The following SYNE2 variants were observed in gnomAD, a reference collection of about 807,000 sequenced individuals.
SYNE2 encodes nesprin-2.
Under a neutral mutation model 856.3 loss-of-function variants are expected in SYNE2, and 431 were observed. The observed-to-expected ratio is 0.50, with a 90% CI of 0.47 to 0.55. The LOEUF (loss-of-function observed/expected upper bound fraction) is 0.55. Ranked by LOEUF, SYNE2 falls within the 20% of genes least tolerant of loss-of-function variation. The pLI is 0.00. For synonymous variants in SYNE2, 2,923 were observed against 2,872.3 expected (o/e 1.02, Z -0.56); for missense variants, 8,129 against 8,023.2 (o/e 1.01, Z -0.50).
chr14:64,088,247 T>A (rs2097579158), intron 58 of SYNE2, among the ~76,000 whole-genome samples: 1 of 152,334 alleles, frequency 6.6e-6, no homozygotes, highest in East Asian at 1.9e-4. Context: ...CACATTGATC[T>A]GGTAAAATGT....
chr14:63,953,543 G>GAGAGAGATAGAT (rs772140692), intron 7 of SYNE2, among the ~76,000 whole-genome samples: 17 of 90,502 alleles, frequency 1.9e-4, no homozygotes, highest in African/African-American at 3.7e-4. Context: ...GAGAGAGAGA[G>GAGAGAGATAGAT]AGATAGATAG....
At chr14:63,921,381 C>T (rs2095599203) in intron 2 of SYNE2, among the ~76,000 whole-genome samples, 1 of 151,982 alleles carries the variant, frequency 6.6e-6, no homozygotes, top group African/African-American at 2.4e-5. Context: ...GTGTAAATGG[C>T]AATTTGTTCC....
chr14:64,130,658 G>A (rs972181088), intron 76 of SYNE2, among the ~76,000 whole-genome samples: 2 of 152,174 alleles, frequency 1.3e-5, no homozygotes, highest in Non-Finnish European at 2.9e-5. Context: ...GCTGAGGCGG[G>A]TGGATCACCT....
At chr14:63,950,049 G>T in intron 7 of SYNE2, 43 bp downstream of exon 7, 1 of 1,604,880 alleles carries the variant, frequency 6.2e-7, no homozygotes, top group Non-Finnish European at 8.5e-7. Flanking sequence ...CAGGGCAGCT[G>T]TATCAACCAA....
At chr14:64,030,535 G>T (rs530588611) in intron 44 of SYNE2, among the ~76,000 whole-genome samples, 1 of 152,102 alleles carries the variant, frequency 6.6e-6, no homozygotes, top group Non-Finnish European at 1.5e-5. Context: ...ATTTGTTTAC[G>T]CATTTACTAT....
chr14:63,948,250 A>G (rs2096069059), intron 6 of SYNE2, among the ~76,000 whole-genome samples: 1 of 152,108 alleles, frequency 6.6e-6, no homozygotes, highest in Admixed American at 6.6e-5. Context: ...ACATTTTAGA[A>G]AAAAATTGAC....
chr14:64,183,266 A>G (rs2153742089), intron 96 of SYNE2, among the ~76,000 whole-genome samples: 1 of 141,878 alleles, frequency 7.0e-6, no homozygotes, highest in Admixed American at 7.1e-5. Flanking sequence ...GACTCCCCTC[A>G]CCTCCCAGAC....
chr14:64,213,070 T>G (rs1300771062), intron 105 of SYNE2, 65 bp downstream of exon 105: 1 of 1,561,668 alleles, frequency 6.4e-7, no homozygotes. Context: ...ACCAAATTTT[T>G]AAAGAATTAG....
intron 1 of SYNE2, among the ~76,000 whole-genome samples, chr14:63,889,526 A>G (rs895900718): frequency 6.6e-6 from 1 of 152,094 alleles, no homozygotes; most frequent in Non-Finnish European, 1.5e-5. Flanking sequence ...CCCAGGCTGG[A>G]GTGCAGTGGC....
intron 64 of SYNE2, among the ~76,000 whole-genome samples, chr14:64,105,169 C>G (rs1351658586): frequency 6.6e-6 from 1 of 152,192 alleles, no homozygotes; most frequent in Non-Finnish European, 1.5e-5. Context: ...TGGAGTAGCC[C>G]TCTAATTGGT....
chr14:64,108,070 C>G (rs1000133985), intron 65 of SYNE2, among the ~76,000 whole-genome samples: 1 of 152,108 alleles, frequency 6.6e-6, no homozygotes, highest in African/African-American at 2.4e-5. Flanking sequence ...GTTAGTGGGC[C>G]AGGCATGGTG....
chr14:64,117,618 C>A (rs901389404), intron 66 of SYNE2, among the ~76,000 whole-genome samples: 10 of 152,058 alleles, frequency 6.6e-5, no homozygotes, highest in Non-Finnish European at 1.5e-5. Context: ...TTTATCTATA[C>A]CTCATATACA....
At chr14:64,142,909 G>A (rs2098151318) in intron 82 of SYNE2, among the ~76,000 whole-genome samples, 5 of 152,186 alleles carry the variant, frequency 3.3e-5, no homozygotes, top group Admixed American at 3.3e-4. Flanking sequence ...TCAGCACTAT[G>A]CTGGCCACTG....
At chr14:64,112,449 G>A (rs1029982892) in intron 65 of SYNE2, among the ~76,000 whole-genome samples, 2 of 152,158 alleles carry the variant, frequency 1.3e-5, no homozygotes, top group African/African-American at 2.4e-5. Flanking sequence ...TCTGAGGAAG[G>A]ATAGATAATA....
chr14:63,957,115 TC>T (rs1473652322), intron 8 of SYNE2, among the ~76,000 whole-genome samples: 3 of 150,866 alleles, frequency 2.0e-5, no homozygotes, highest in African/African-American at 4.9e-5. Context: ...AATACTTCAT[TC>T]CTTTTTTTTT....
chr14:63,960,248 G>C (rs2096292581), intron 8 of SYNE2, among the ~76,000 whole-genome samples: 2 of 151,994 alleles, frequency 1.3e-5, no homozygotes. Context: ...TTTATTGCTG[G>C]CTTTTATATG....
chr14:64,015,147 G>T (rs910450584), intron 32 of SYNE2, among the ~76,000 whole-genome samples: 1 of 149,924 alleles, frequency 6.7e-6, no homozygotes, highest in East Asian at 1.9e-4. Flanking sequence ...AAGGATTTCT[G>T]TGTAAATATC....
upstream of SYNE2, among the ~76,000 whole-genome samples, chr14:63,761,816 C>G (rs1886492706): frequency 1.3e-5 from 2 of 152,196 alleles, no homozygotes; most frequent in Non-Finnish European, 2.9e-5. Flanking sequence ...CCATCAGCAT[C>G]TACTACAGTG....
In SYNE2 at chr14:63,831,128, C is replaced by T. The variant is rs1164077259; in HGVS notation, c.-304-21373C>T. On this transcript the variant is annotated intron_variant, in intron 1 of 23. Transcript: ENST00000674003. ...AAGTGCTGGGGTTACAGGAGTGAGC[C>T]ACAGCACCCAGCCGATCTCTTTATT... Among the ~76,000 whole-genome samples, 6 of 152,104 alleles carry T rather than the reference C, an allele frequency of 3.9e-5. No individual in the cohort carries two copies. The South Asian group carries it at 6.2e-4, about 16-fold the overall frequency.
Sources: allele counts gnomAD v4.1 joint callset (sites outside exome capture counted in the v4.1 genomes callset), GRCh38; gene constraint gnomAD v4.1.1; transcripts MANE v1.5; gene names NCBI Gene and HGNC (gene_info 2026-07-23, HGNC 2026-07-21).